ULK4: variants seen among roughly 807,000 people sequenced by gnomAD.
The protein encoded by ULK4 is inactive serine/threonine-protein kinase ULK4.
A neutral mutation model predicts 160.6 loss-of-function variants in ULK4; 133 were observed. That is an observed-to-expected ratio of 0.83 (90% CI 0.72 to 0.96). The LOEUF (loss-of-function observed/expected upper bound fraction) is 0.96, where lower values mean the gene tolerates loss of function less well. Ranked by LOEUF, ULK4 falls within the 40% of genes least tolerant of loss-of-function variation. The pLI is 0.00. For missense variants in ULK4, 1,580 were observed against 1,499.5 expected (o/e 1.05, Z -0.89); for synonymous variants, 534 against 539.8 (o/e 0.99, Z 0.15).
At chr3:41,279,255 TAAAAAAAAAAA>T in intron 35 of ULK4, among the ~76,000 whole-genome samples, 1 of 43,070 alleles carries the variant, frequency 2.3e-5, no homozygotes, top group South Asian at 9.1e-4. Context: ...AAAAAAAGAG[TAAAAAAAAAAA>T]AAAAAAAAAC....
At chr3:41,323,438 A>ACC (rs1553642985) in intron 35 of ULK4, among the ~76,000 whole-genome samples, 1 of 147,736 alleles carries the variant, frequency 6.8e-6, no homozygotes, top group East Asian at 2.0e-4. Context: ...ACACACACAC[A>ACC]CCAAAAACCA....
chr3:41,551,652 C>A (rs1393487368), intron 32 of ULK4, among the ~76,000 whole-genome samples: 1 of 151,846 alleles, frequency 6.6e-6, no homozygotes, highest in African/African-American at 2.4e-5. Context: ...AAAGAAAAGT[C>A]CAGGACCAGA....
intron 35 of ULK4, among the ~76,000 whole-genome samples, chr3:41,301,593 G>C (rs565957668): frequency 2.0e-5 from 3 of 152,136 alleles, no homozygotes; most frequent in Admixed American, 6.5e-5. Context: ...GGCGTGCTAC[G>C]TTTAGAGTAT....
At chr3:41,274,975 G>T (rs1559499614) in intron 35 of ULK4, among the ~76,000 whole-genome samples, 1 of 152,108 alleles carries the variant, frequency 6.6e-6, no homozygotes, top group Non-Finnish European at 1.5e-5. Flanking sequence ...ATGTGGGAAT[G>T]CCTGAGACAT....
intron 25 of ULK4, among the ~76,000 whole-genome samples, chr3:41,707,609 A>C (rs1445864455): frequency 6.6e-6 from 1 of 152,140 alleles, no homozygotes; most frequent in East Asian, 1.9e-4. Context: ...AATCAGGAGG[A>C]TAATCTGAGG....
intron 17 of ULK4, among the ~76,000 whole-genome samples, chr3:41,867,317 T>C (rs1016240785): frequency 1.3e-5 from 2 of 152,214 alleles, no homozygotes; most frequent in African/African-American, 4.8e-5. Context: ...GAAATGCGAA[T>C]TACTGTGCCC....
chr3:41,273,466 C>G (rs2079173634), intron 35 of ULK4, among the ~76,000 whole-genome samples: 1 of 152,192 alleles, frequency 6.6e-6, no homozygotes, highest in Non-Finnish European at 1.5e-5. Flanking sequence ...CTGATCAGTA[C>G]TGCTGAAATA....
At chr3:41,570,864 A>C (rs1305753928) in intron 31 of ULK4, among the ~76,000 whole-genome samples, 1 of 152,150 alleles carries the variant, frequency 6.6e-6, no homozygotes, top group Non-Finnish European at 1.5e-5. Flanking sequence ...TGAAGAATAA[A>C]GGCCCCTGCC....
At chr3:41,692,971 A>G (rs1296254685) in intron 27 of ULK4, among the ~76,000 whole-genome samples, 2 of 152,210 alleles carry the variant, frequency 1.3e-5, no homozygotes, top group Non-Finnish European at 2.9e-5. Context: ...GTGACTTAGG[A>G]ATGCTAAGAC....
intron 32 of ULK4, among the ~76,000 whole-genome samples, chr3:41,547,844 C>T (rs2086916595): frequency 6.6e-6 from 1 of 151,966 alleles, no homozygotes; most frequent in Non-Finnish European, 1.5e-5. Flanking sequence ...CATGCGGTGT[C>T]CTACACCATG....
intron 20 of ULK4, among the ~76,000 whole-genome samples, chr3:41,793,188 C>CAA (rs397762773): frequency 9.9e-4 from 144 of 145,204 alleles, no homozygotes; most frequent in Middle Eastern, 3.8e-3. Context: ...AAAAAACCAA[C>CAA]AAAAAAAAAA....
chr3:41,473,684 A>G (rs2084056560), intron 32 of ULK4, among the ~76,000 whole-genome samples: 1 of 150,110 alleles, frequency 6.7e-6, no homozygotes, highest in Non-Finnish European at 1.5e-5. Context: ...AAAAAAAAAA[A>G]GAAGAACTAA....
chr3:41,726,902 C>A (rs114613106), intron 22 of ULK4, among the ~76,000 whole-genome samples: 1,888 of 152,314 alleles, frequency 0.012, 38 homozygotes, highest in African/African-American at 0.041. Flanking sequence ...CCCACTTCTG[C>A]CTCCCAAAGT....
At chr3:41,516,551 G>T (rs1036827551) in intron 32 of ULK4, among the ~76,000 whole-genome samples, 6 of 152,078 alleles carry the variant, frequency 3.9e-5, no homozygotes, top group Non-Finnish European at 5.9e-5. Flanking sequence ...GGAACTGAAG[G>T]TCATTGGGTT....
At chr3:41,724,921 CTGTT>C (rs2037598261) in intron 22 of ULK4, among the ~76,000 whole-genome samples, 1 of 152,108 alleles carries the variant, frequency 6.6e-6, no homozygotes, top group Admixed American at 6.5e-5. Flanking sequence ...GTTTTGTAAA[CTGTT>C]TGTCCAAGTC....
chr3:41,638,778 A>T (rs1232525875), intron 30 of ULK4, among the ~76,000 whole-genome samples: 1 of 152,246 alleles, frequency 6.6e-6, no homozygotes, highest in Non-Finnish European at 1.5e-5. Flanking sequence ...TTGAGACATG[A>T]CAGATGAATT....
At chr3:41,459,290 C>T (rs1186809837) in intron 33 of ULK4, among the ~76,000 whole-genome samples, 1 of 152,116 alleles carries the variant, frequency 6.6e-6, no homozygotes. Context: ...GTCTTGAACT[C>T]CTGACCACAT....
intron 22 of ULK4, 97 bp from the exon 23 acceptor site, chr3:41,717,958 C>T: frequency 7.1e-7 from 1 of 1,405,646 alleles, no homozygotes; most frequent in Middle Eastern, 2.5e-4. Flanking sequence ...CAGAGGGCAC[C>T]CTCCCAATCA....
rs143003893 is a variant in ULK4 at position 41,457,037 on chromosome 3, G to C, written c.3394-1442C>G. On this transcript the variant is annotated intron_variant, in intron 33 of 36. Coordinates refer to ENST00000301831, the MANE Select transcript of ULK4 (RefSeq NM_017886.4). Reference sequence around the variant, plus strand: ...CTTTATCGGAAATGGAGAATTTCCTGTCAGGAAACAAATGTGCGGCACTAT... The same window carrying C: ...CTTTATCGGAAATGGAGAATTTCCTCTCAGGAAACAAATGTGCGGCACTAT... Among the ~76,000 whole-genome samples, 7 of 152,330 alleles carry C rather than the reference G, an allele frequency of 4.6e-5. No homozygotes were observed. In the East Asian group the frequency reaches 1.3e-3, roughly 29 times the overall value.
Sources: allele counts gnomAD v4.1 joint callset (sites outside exome capture counted in the v4.1 genomes callset), GRCh38; gene constraint gnomAD v4.1.1; transcripts MANE v1.5; gene names NCBI Gene and HGNC (gene_info 2026-07-23, HGNC 2026-07-21).